Variants in GABRG1 observed in about 807,000 individuals in gnomAD.
GABRG1 encodes the protein gamma-aminobutyric acid receptor subunit gamma-1.
Under a neutral mutation model 49.8 loss-of-function variants are expected in GABRG1, and 49 were observed. That is an observed-to-expected ratio of 0.98 (90% confidence interval 0.78 to 1.25). GABRG1 has a LOEUF of 1.25. Among genes scored for constraint, GABRG1 ranks in the 50% most tolerant of loss-of-function variants. The pLI is 0.00. For synonymous variants in GABRG1, 232 were observed against 185.1 expected, an observed-to-expected ratio of 1.25 and a Z score of -2.06; for missense variants, 552 against 552.3, an observed-to-expected ratio of 1.00 and a Z score of 0.01.
At chr4:46,103,265 T>C (rs922871481) in intron 1 of GABRG1, among the ~76,000 whole-genome samples, 1 of 141,250 alleles carries the variant, frequency 7.1e-6, no homozygotes. Flanking sequence ...AAAAACATAA[T>C]TGCAAGTGAA....
At chr4:46,111,187 A>C (rs1048864872) in intron 1 of GABRG1, among the ~76,000 whole-genome samples, 4 of 151,098 alleles carry the variant, frequency 2.6e-5, no homozygotes, top group African/African-American at 7.3e-5. Flanking sequence ...ACTCAGTAGA[A>C]TTTCTATACG....
At chr4:46,106,071 T>A (rs1359748785) in intron 1 of GABRG1, among the ~76,000 whole-genome samples, 1 of 151,448 alleles carries the variant, frequency 6.6e-6, no homozygotes, top group African/African-American at 2.4e-5. Context: ...ATGAAAGCAA[T>A]CAACAGGCAG....
At chr4:46,058,758 T>A (rs1340634713) in intron 5 of GABRG1, 136 bp from the exon 6 acceptor site, 1 of 642,104 alleles carries the variant, frequency 1.6e-6, no homozygotes, top group African/African-American at 1.8e-5. Context: ...AATATTTGAA[T>A]ACAATAAATA....
intron 3 of GABRG1, among the ~76,000 whole-genome samples, chr4:46,078,754 G>A (rs569739544): frequency 6.6e-6 from 1 of 151,848 alleles, no homozygotes; most frequent in Non-Finnish European, 1.5e-5. Flanking sequence ...GCCTCTTAAA[G>A]CTATTTGACC....
intron 1 of GABRG1, among the ~76,000 whole-genome samples, chr4:46,113,640 T>C (rs1720788264): frequency 1.3e-5 from 2 of 151,208 alleles, no homozygotes; most frequent in African/African-American, 4.8e-5. Flanking sequence ...AAGATAATTT[T>C]ATAAGTTCCA....
At chr4:46,059,132 C>A (rs1448252449) in intron 5 of GABRG1, among the ~76,000 whole-genome samples, 5 of 151,976 alleles carry the variant, frequency 3.3e-5, no homozygotes, top group African/African-American at 1.2e-4. Flanking sequence ...CAAAGTTGTA[C>A]GTAGCTAAAT....
chr4:46,063,480 C>T (rs957880304), intron 5 of GABRG1, among the ~76,000 whole-genome samples: 7 of 152,064 alleles, frequency 4.6e-5, no homozygotes, highest in Admixed American at 4.6e-4. Context: ...AACTGGCTAG[C>T]CATATGTAGA....
chr4:46,074,087 GCTT>G (rs1719238826), intron 3 of GABRG1, among the ~76,000 whole-genome samples: 3 of 152,180 alleles, frequency 2.0e-5, no homozygotes, highest in Admixed American at 2.0e-4. Context: ...TCCTAGAAAA[GCTT>G]CATAGCCAAT....
intron 7 of GABRG1, among the ~76,000 whole-genome samples, chr4:46,053,503 A>G (rs974520942): frequency 2.0e-5 from 3 of 151,972 alleles, no homozygotes; most frequent in Non-Finnish European, 4.4e-5. Context: ...CTAAATGTAC[A>G]TTTTTAAAGG....
intron 3 of GABRG1, among the ~76,000 whole-genome samples, chr4:46,070,929 C>T (rs1172421224): frequency 6.6e-6 from 1 of 152,040 alleles, no homozygotes; most frequent in Non-Finnish European, 1.5e-5. Flanking sequence ...TAAATAATAC[C>T]TTCACAGCAA....
chr4:46,098,983 T>G (rs1720285673), intron 1 of GABRG1, among the ~76,000 whole-genome samples: 1 of 151,708 alleles, frequency 6.6e-6, no homozygotes, highest in Admixed American at 6.6e-5. Flanking sequence ...TAAAAAATTT[T>G]TATGAGATTT....
At chr4:46,105,445 C>T (rs1259494730) in intron 1 of GABRG1, among the ~76,000 whole-genome samples, 4 of 151,316 alleles carry the variant, frequency 2.6e-5, no homozygotes, top group African/African-American at 9.7e-5. Flanking sequence ...CTTTGAATAG[C>T]CCTATAACTT....
chr4:46,058,676 T>C, intron 5 of GABRG1, 54 bp from the exon 6 acceptor site: 1 of 1,379,392 alleles, frequency 7.2e-7, no homozygotes, highest in South Asian at 1.2e-5. Flanking sequence ...ACCATTGCAA[T>C]GCCAACATTA....
intron 7 of GABRG1, among the ~76,000 whole-genome samples, chr4:46,053,430 A>G (rs1718312817): frequency 8.0e-6 from 1 of 125,724 alleles, no homozygotes; most frequent in African/African-American, 3.3e-5. Context: ...ATGAGAAAAC[A>G]GTATGGTTGC....
chr4:46,060,883 T>G (rs1718646868), intron 5 of GABRG1, among the ~76,000 whole-genome samples: 1 of 152,138 alleles, frequency 6.6e-6, no homozygotes, highest in South Asian at 2.1e-4. Context: ...ATAGCCACTC[T>G]GAATCTCATG....
At chr4:46,073,630 A>T (rs1034270022) in intron 3 of GABRG1, among the ~76,000 whole-genome samples, 1 of 152,028 alleles carries the variant, frequency 6.6e-6, no homozygotes, top group South Asian at 2.1e-4. Context: ...TAACAAATAT[A>T]CAAAAGATCC....
chr4:46,046,312 A>G (rs1371474663), intron 8 of GABRG1, among the ~76,000 whole-genome samples: 1 of 152,122 alleles, frequency 6.6e-6, no homozygotes, highest in African/African-American at 2.4e-5. Flanking sequence ...GGTAGAAAAA[A>G]GAGCTGTTGG....
rs1228652897 is a variant in GABRG1, at chr4:46,041,054, T to A, written c.1332A>T (p.Arg444Ser). The A allele has an allele frequency of 8.7e-6, 14 of 1,612,980 alleles. No homozygotes were observed. In the South Asian group the frequency reaches 1.4e-4, roughly 16 times the overall value. Residue 444 changes from arginine (R) to serine (S), a missense_variant, in exon 9 of 9, where the codon AGA becomes AGT. By Grantham distance (110) the Arg-to-Ser change is moderately radical. Transcript: ENST00000295452. ...IRIAKIDSYS[R>S]IFFPTAFALF... ...GGGCAAAAGCGGTTGGGAAAAATAT[T>A]CTAGAATAAGAGTCAATTTTGGCAA...
chr4:46,079,483 A>G (rs1484598256), intron 3 of GABRG1, among the ~76,000 whole-genome samples: 1 of 151,846 alleles, frequency 6.6e-6, no homozygotes, highest in Non-Finnish European at 1.5e-5. Flanking sequence ...AAAATATTTA[A>G]ATTAAGTTCT....
Sources: gnomAD v4.1 joint callset for allele counts (sites outside exome capture counted in the v4.1 genomes callset) on GRCh38, gnomAD v4.1.1 for gene constraint, MANE v1.5 for transcripts, NCBI Gene and HGNC (gene_info 2026-07-23, HGNC 2026-07-21) for gene names.